ZNF723: variants seen among roughly 807,000 people sequenced by gnomAD.
The protein encoded by ZNF723 is zinc finger protein 723.
A neutral mutation model predicts 9.4 loss-of-function variants in ZNF723; 5 were observed. That is an observed-to-expected ratio of 0.53 (90% CI 0.28 to 1.12). The LOEUF (loss-of-function observed/expected upper bound fraction) is 1.12. Among genes scored for constraint, ZNF723 ranks in the 50% most tolerant of loss-of-function variants. The pLI is 0.10. For synonymous variants in ZNF723, 158 were observed against 168.8 expected (o/e 0.94, Z 0.49); for missense variants, 450 against 501.5 (o/e 0.90, Z 0.98).
chr19:22,858,081 A>G lies in ZNF723; in HGVS notation c.1190A>G (p.Tyr397Cys). 6.6e-7 allele frequency: 1 copy of G among 1,507,390 alleles called. No individual in the cohort carries two copies. Among genetic ancestry groups the G allele is most frequent in the Non-Finnish European group, 9.2e-7 (1 of 1,083,926 alleles). 93.4% of individuals were successfully genotyped at this position (1,507,390 alleles called of 1,614,324 possible). A position where few individuals can be genotyped will look rare whatever the true frequency, so the allele number is the denominator to read the frequency against. The stretch of plus-strand genomic sequence containing the variant: ...AGAATTCATACTGGAGAGAAACCCT[A>G]CAAATGTGAAGAATGTGGCAAAGCC... Reference protein sequence around the residue: ...HKRIHTGEKPYKCEECGKAFN... With the variant: ...HKRIHTGEKPCKCEECGKAFN... The change falls in exon 4 of 4, where the codon TAC becomes TGC. Residue 397 changes from tyrosine to cysteine, a missense_variant. Transcript: ENST00000600766.
the ZNF723 span, among the ~76,000 whole-genome samples, chr19:22,821,508 C>T: frequency 6.6e-6 from 1 of 152,116 alleles, no homozygotes; most frequent in African/African-American, 2.4e-5. Flanking sequence ...ACCCTGCCCA[C>T]AGAAGGCACT....
At chr19:22,829,325 G>A (rs1276833072), upstream of ZNF723, among the ~76,000 whole-genome samples, 2 of 149,536 alleles carry the variant, frequency 1.3e-5, no homozygotes. Context: ...TTGCTCTGTG[G>A]CCCAGACTGG....
chr19:22,824,460 C>T, the ZNF723 span, among the ~76,000 whole-genome samples: 1 of 152,008 alleles, frequency 6.6e-6, no homozygotes, highest in African/African-American at 2.4e-5. Flanking sequence ...GACGTGGTCA[C>T]TGGTACAATG....
At chr19:22,849,419 A>T (rs996553783) in intron 3 of ZNF723, 126 bp downstream of exon 3, 1 of 441,984 alleles carries the variant, frequency 2.3e-6, no homozygotes, top group South Asian at 7.9e-5. Flanking sequence ...AAAGCCTGAG[A>T]GTTTAAAAAA....
intron 3 of ZNF723, among the ~76,000 whole-genome samples, chr19:22,849,856 C>G (rs1347621762): frequency 6.6e-6 from 1 of 151,996 alleles, no homozygotes; most frequent in East Asian, 1.9e-4. Context: ...TTCCTTAATT[C>G]TGATGTCGTG....
At chr19:22,826,033 G>A in the ZNF723 span, among the ~76,000 whole-genome samples, 11 of 152,352 alleles carry the variant, frequency 7.2e-5, no homozygotes, top group Middle Eastern at 3.4e-3. Context: ...TCATCACCTA[G>A]ATGATGTGAC....
chr19:22,855,480 TG>T (rs1416978015), intron 3 of ZNF723, among the ~76,000 whole-genome samples: 1 of 152,138 alleles, frequency 6.6e-6, no homozygotes, highest in Admixed American at 6.6e-5. Flanking sequence ...CCATCTGCCG[TG>T]GCCTCCCAAA....
intron 1 of ZNF723, among the ~76,000 whole-genome samples, chr19:22,847,926 C>A (rs1599477707): frequency 6.6e-6 from 1 of 151,828 alleles, no homozygotes. Context: ...TATGATGAAA[C>A]CCCATCTCTA....
intron 2 of ZNF723, 120 bp downstream of exon 2, chr19:22,848,507 G>C (rs1967346163): frequency 3.8e-6 from 3 of 799,568 alleles, no homozygotes; most frequent in South Asian, 4.5e-5. Context: ...CTGTTTTGAA[G>C]AAAAGCTTGG....
chr19:22,850,737 TTTA>T (rs1967384755), intron 3 of ZNF723, among the ~76,000 whole-genome samples: 1 of 152,010 alleles, frequency 6.6e-6, no homozygotes, highest in Admixed American at 6.6e-5. Context: ...CTATTAAGAG[TTTA>T]TTATTTTTTT....
the ZNF723 span, among the ~76,000 whole-genome samples, chr19:22,820,733 G>C: frequency 6.6e-6 from 1 of 152,174 alleles, no homozygotes; most frequent in African/African-American, 2.4e-5. Flanking sequence ...GACAGAAAGT[G>C]TCATCATATG....
At chr19:22,839,466 G>GTTTTTT in intron 1 of ZNF723, among the ~76,000 whole-genome samples, 1 of 124,540 alleles carries the variant, frequency 8.0e-6, no homozygotes, top group Non-Finnish European at 1.7e-5. Context: ...TTTTTTTTTG[G>GTTTTTT]TTTTTTTTTT....
intron 1 of ZNF723, among the ~76,000 whole-genome samples, chr19:22,840,244 T>C (rs1280003558): frequency 6.6e-6 from 1 of 152,040 alleles, no homozygotes; most frequent in Non-Finnish European, 1.5e-5. Flanking sequence ...TGATCTGGGC[T>C]CACTGCAATC....
chr19:22,854,407 CA>C (rs1568408682), intron 3 of ZNF723, among the ~76,000 whole-genome samples: 1 of 148,510 alleles, frequency 6.7e-6, no homozygotes, highest in Non-Finnish European at 1.5e-5. Context: ...CTGACTCTTG[CA>C]GGAAAGTAAG....
chr19:22,848,729 TTTTATTTA>T (rs71163410), intron 2 of ZNF723, among the ~76,000 whole-genome samples: 10,504 of 142,976 alleles, frequency 0.073, 842 homozygotes, highest in African/African-American at 0.21. Context: ...AGAGAAATTA[TTTTATTTA>T]TTTATTTATT....
chr19:22,839,414 A>C lies in ZNF723; in HGVS notation c.3+7032A>C, dbSNP rs142516912. ...TGAACTAATTTACACTCCCACCAGC[A>C]GCGTATAAGTACTCCTTTATCTCCA... is the stretch of plus-strand genomic sequence containing the variant. On this transcript the variant is annotated intron_variant, in intron 1 of 3. Coordinates refer to ENST00000600766, the MANE Select transcript of ZNF723 (RefSeq NM_001349726.2). Among the ~76,000 whole-genome samples, 1,507 of 151,104 alleles carry C rather than the reference A, an allele frequency of 1.0e-2. 50 individuals carry two copies. The highest frequency in any genetic ancestry group is 0.064 in the Admixed American group (973 of 15,176).
At chr19:22,831,328 G>C (rs1178450279), upstream of ZNF723, among the ~76,000 whole-genome samples, 1 of 152,080 alleles carries the variant, frequency 6.6e-6, no homozygotes, top group African/African-American at 2.4e-5. Context: ...AGGCCGAGGC[G>C]GGCGGATCAC....
rs1007865920 is a variant in ZNF723, at chr19:22,857,752, T to C, written c.861T>C (p.Cys287=). 3.9e-6 allele frequency: 5 copies of C among 1,293,242 alleles called. No individual in the cohort carries two copies. The highest frequency in any genetic ancestry group is 5.6e-6 in the Non-Finnish European group (5 of 888,252). 80.1% of individuals were successfully genotyped at this position (1,293,242 alleles called of 1,614,324 possible). A position where few individuals can be genotyped will look rare whatever the true frequency, so the allele number is the denominator to read the frequency against. Residue 287 remains cysteine, a synonymous_variant, in exon 4 of 4, where the codon TGT becomes TGC. Coordinates refer to ENST00000600766, the MANE Select transcript of ZNF723 (RefSeq NM_001349726.2). ...RIHTGEKPYK[C]KECGKAFNVF... Reference sequence around the variant, plus strand: ...ACACTGGAGAGAAACCCTACAAATGTAAAGAATGTGGCAAAGCCTTTAATG... The same window carrying C: ...ACACTGGAGAGAAACCCTACAAATGCAAAGAATGTGGCAAAGCCTTTAATG...
At chr19:22,844,843 C>G (rs531705499) in intron 1 of ZNF723, among the ~76,000 whole-genome samples, 1 of 152,180 alleles carries the variant, frequency 6.6e-6, no homozygotes, top group East Asian at 1.9e-4. Flanking sequence ...ACATTCATGG[C>G]CGGCGTGGTG....
Sources: gnomAD v4.1 joint callset for allele counts (sites outside exome capture counted in the v4.1 genomes callset) on GRCh38, gnomAD v4.1.1 for gene constraint, MANE v1.5 for transcripts, NCBI Gene and HGNC (gene_info 2026-07-23, HGNC 2026-07-21) for gene names.